The following SLC4A10 variants were observed in gnomAD, a reference collection of about 807,000 sequenced individuals.
SLC4A10 encodes the protein solute carrier family 4 member 10.
Under a neutral mutation model 137.7 loss-of-function variants are expected in SLC4A10, and 42 were observed. That is an observed-to-expected ratio of 0.30 (90% confidence interval 0.24 to 0.39). The LOEUF (loss-of-function observed/expected upper bound fraction) is 0.39. Among genes scored for constraint, SLC4A10 ranks in the 10% least tolerant of loss-of-function variants. SLC4A10 has a pLI of 1.00. For missense variants in SLC4A10, 925 were observed against 1,355.0 expected (o/e 0.68, Z 4.98); for synonymous variants, 474 against 464.1 (o/e 1.02, Z -0.27).
At chr2:161,719,880 C>A (rs973931772) in intron 1 of SLC4A10, among the ~76,000 whole-genome samples, 1 of 152,086 alleles carries the variant, frequency 6.6e-6, no homozygotes, top group Non-Finnish European at 1.5e-5. Context: ...TTTTGCTGTG[C>A]AGAAGCTCTT....
At chr2:161,876,230 A>T (rs2061441273) in intron 8 of SLC4A10, among the ~76,000 whole-genome samples, 1 of 152,132 alleles carries the variant, frequency 6.6e-6, no homozygotes, top group African/African-American at 2.4e-5. Context: ...AACTTCCAGG[A>T]TTTCCTTCTT....
chr2:161,840,074 G>C, intron 4 of SLC4A10, 147 bp downstream of exon 4: 1 of 909,510 alleles, frequency 1.1e-6, no homozygotes, highest in East Asian at 2.5e-5. Context: ...ATCCTATAAC[G>C]GGATATGGGT....
At position 161,652,131 on chromosome 2, in the gene SLC4A10, CT is replaced by C. The variant is rs1322651760; in HGVS notation, c.48+27566del. On this transcript the variant is annotated intron_variant, in intron 1 of 26. Transcript: ENST00000446997. ...ATCCACTCATTAAGTCCAGCCCATACTCAGGGGAGGGGAAGCTCCACCTCCA... is the reference window on the plus strand; with the variant it reads ...ATCCACTCATTAAGTCCAGCCCATACCAGGGGAGGGGAAGCTCCACCTCCA... Among the ~76,000 whole-genome samples the C allele has an allele frequency of 2.0e-5, 3 of 152,332 alleles. No individual in the cohort carries two copies. In the East Asian group the frequency reaches 5.8e-4, roughly 29 times the overall value.
chr2:161,706,460 T>A (rs1296321205), intron 1 of SLC4A10, among the ~76,000 whole-genome samples: 1 of 151,598 alleles, frequency 6.6e-6, no homozygotes, highest in East Asian at 1.9e-4. Context: ...AAGATGTGTA[T>A]CTGGATCTAT....
At chr2:161,874,072 G>C (rs557940813) in intron 8 of SLC4A10, 67 bp downstream of exon 8, 33 of 1,437,038 alleles carry the variant, frequency 2.3e-5, no homozygotes, top group Non-Finnish European at 2.7e-5. Flanking sequence ...GGAGGCATGT[G>C]ATTCAAACAT....
At chr2:161,863,178 A>G in intron 6 of SLC4A10, 116 bp downstream of exon 6, 1 of 997,328 alleles carries the variant, frequency 1.0e-6, no homozygotes, top group Non-Finnish European at 1.4e-6. Context: ...AATTCAGATT[A>G]TTGTAGAATT....
chr2:161,740,231 G>A (rs926258466), intron 1 of SLC4A10, among the ~76,000 whole-genome samples: 3 of 152,250 alleles, frequency 2.0e-5, no homozygotes, highest in East Asian at 1.9e-4. Context: ...CTCTTAATTG[G>A]TCAGTTGAAA....
intron 23 of SLC4A10, among the ~76,000 whole-genome samples, chr2:161,966,464 A>G (rs1697598879): frequency 6.6e-6 from 1 of 152,104 alleles, no homozygotes; most frequent in Non-Finnish European, 1.5e-5. Context: ...AAAAAATAAT[A>G]CTTTGAGTCA....
intron 15 of SLC4A10, among the ~76,000 whole-genome samples, chr2:161,913,383 C>T (rs1398390665): frequency 6.6e-6 from 1 of 152,006 alleles, no homozygotes; most frequent in African/African-American, 2.4e-5. Context: ...TTTTTATATC[C>T]TTAATAACCA....
chr2:161,847,556 C>T (rs944730243), intron 4 of SLC4A10, among the ~76,000 whole-genome samples: 3 of 152,104 alleles, frequency 2.0e-5, no homozygotes, highest in African/African-American at 7.2e-5. Context: ...AACTAGGCCT[C>T]AGTGTCTGTT....
chr2:161,682,730 G>A (rs1011980911), intron 1 of SLC4A10, among the ~76,000 whole-genome samples: 1 of 151,984 alleles, frequency 6.6e-6, no homozygotes, highest in African/African-American at 2.4e-5. Context: ...AAAGCTGAAC[G>A]GCTAGGTATT....
At position 161,683,859 on chromosome 2, in the gene SLC4A10, A is replaced by AT. The variant is rs200514462; in HGVS notation, c.48+59301dup. ...CAATTAGAAATGAAAACCACATTCC[A>AT]TTTTTTTTGTTGTGGTAAAATGTAC... On this transcript the variant is annotated intron_variant, in intron 1 of 26. Transcript: ENST00000446997. 4.0e-3 allele frequency among the ~76,000 whole-genome samples: 608 copies of AT among 152,034 alleles called. 3 individuals carry two copies. The highest frequency in any genetic ancestry group is 0.013 in the African/African-American group (519 of 41,478).
chr2:161,676,753 G>T (rs745687322), intron 1 of SLC4A10, among the ~76,000 whole-genome samples: 4 of 152,018 alleles, frequency 2.6e-5, no homozygotes, highest in Non-Finnish European at 5.9e-5. Flanking sequence ...AGAATTAGTT[G>T]TAACTTAAGT....
chr2:161,783,415 T>A (rs1315403557), intron 2 of SLC4A10, among the ~76,000 whole-genome samples: 2 of 151,732 alleles, frequency 1.3e-5, no homozygotes, highest in African/African-American at 4.8e-5. Flanking sequence ...CAAGATAGCA[T>A]AAGAAAGTAT....
At chr2:161,892,456 A>G (rs2063022322) in intron 10 of SLC4A10, among the ~76,000 whole-genome samples, 2 of 151,940 alleles carry the variant, frequency 1.3e-5, no homozygotes, top group Admixed American at 6.6e-5. Context: ...TAAACCATTA[A>G]TGGATCTTTA....
In SLC4A10 at chr2:161,957,352, A is replaced by C. The variant is rs1431137661; in HGVS notation, c.2793+112A>C. ...GCAAATATTGTGTGGCATGTGATGA[A>C]AGTGATGAATTTCTGAACCATGTTT... is the stretch of plus-strand genomic sequence containing the variant. On this transcript the variant is annotated intron_variant, in intron 20 of 26. Coordinates refer to ENST00000446997, the MANE Select transcript of SLC4A10 (RefSeq NM_001178015.2). 9.9e-6 allele frequency: 12 copies of C among 1,211,090 alleles called. No homozygotes were observed. In the East Asian group the frequency reaches 2.0e-4, roughly 20 times the overall value. 75.0% of individuals were successfully genotyped at this position (1,211,090 alleles called of 1,614,324 possible).
intron 1 of SLC4A10, among the ~76,000 whole-genome samples, chr2:161,667,738 C>G (rs915243355): frequency 6.6e-6 from 1 of 151,654 alleles, no homozygotes; most frequent in African/African-American, 2.4e-5. Flanking sequence ...ATCATTCAAA[C>G]TACTTTTGCT....
chr2:161,935,647 A>C (rs1163487487), intron 15 of SLC4A10, among the ~76,000 whole-genome samples: 1 of 152,160 alleles, frequency 6.6e-6, no homozygotes, highest in Non-Finnish European at 1.5e-5. Context: ...TAACTATTGC[A>C]AACAGGATTG....
At chr2:161,750,730 T>C (rs1202009680) in intron 1 of SLC4A10, among the ~76,000 whole-genome samples, 3 of 151,828 alleles carry the variant, frequency 2.0e-5, no homozygotes, top group Middle Eastern at 3.2e-3. Flanking sequence ...GTTGTGTATA[T>C]GTCTATTGAG....
Sources: allele counts gnomAD v4.1 joint callset (sites outside exome capture counted in the v4.1 genomes callset), GRCh38; gene constraint gnomAD v4.1.1; transcripts MANE v1.5; gene names NCBI Gene and HGNC (gene_info 2026-07-23, HGNC 2026-07-21).